Variants in HS3ST3A1 observed in about 807,000 individuals in gnomAD.
The protein encoded by HS3ST3A1 is heparan sulfate glucosamine 3-O-sulfotransferase 3A1.
A neutral mutation model predicts 25.7 loss-of-function variants in HS3ST3A1; 19 were observed. The ratio of observed to expected loss-of-function variants is 0.74; its 90% CI spans 0.52 to 1.08. The LOEUF (loss-of-function observed/expected upper bound fraction) is 1.08. Among genes scored for constraint, HS3ST3A1 ranks in the 50% least tolerant of loss-of-function variants. The pLI, the probability that HS3ST3A1 is intolerant of heterozygous loss-of-function variation, is 0.00. For synonymous variants in HS3ST3A1, 226 were observed against 278.6 expected (o/e 0.81, Z 1.88); for missense variants, 459 against 594.3 (o/e 0.77, Z 2.37).
intron 1 of HS3ST3A1, among the ~76,000 whole-genome samples, chr17:13,573,267 ACCT>A (rs1299464417): frequency 1.3e-5 from 2 of 151,352 alleles, no homozygotes; most frequent in Admixed American, 6.6e-5. Context: ...TTCTTCCAAG[ACCT>A]CCTCCTCCTT....
intron 1 of HS3ST3A1, among the ~76,000 whole-genome samples, chr17:13,545,686 T>C (rs1297492304): frequency 6.6e-6 from 1 of 152,196 alleles, no homozygotes; most frequent in Non-Finnish European, 1.5e-5. Context: ...CATCACTCAG[T>C]ACATCCAGCA....
At chr17:13,587,535 C>T (rs1908308131) in intron 1 of HS3ST3A1, among the ~76,000 whole-genome samples, 1 of 152,198 alleles carries the variant, frequency 6.6e-6, no homozygotes, top group Non-Finnish European at 1.5e-5. Flanking sequence ...CCTGCACAGA[C>T]AGATGAGTGA....
intron 1 of HS3ST3A1, among the ~76,000 whole-genome samples, chr17:13,507,154 G>A (rs548525902): frequency 2.0e-5 from 3 of 151,516 alleles, no homozygotes; most frequent in South Asian, 2.1e-4. Context: ...AAAAATAATA[G>A]ATCCAGGGCA....
chr17:13,597,473 G>C (rs569921883), intron 1 of HS3ST3A1, among the ~76,000 whole-genome samples: 14 of 152,206 alleles, frequency 9.2e-5, no homozygotes, highest in African/African-American at 3.1e-4. Flanking sequence ...CAAGAGAAAT[G>C]GACACTATTC....
chr17:13,521,893 C>T (rs1376017452), intron 1 of HS3ST3A1, among the ~76,000 whole-genome samples: 1 of 152,118 alleles, frequency 6.6e-6, no homozygotes. Flanking sequence ...GGGGGCTGTT[C>T]TATGCATTGT....
rs1187577176 is a variant in HS3ST3A1, at chr17:13,494,071, TA to T, written c.*2125del. Reference sequence around the variant, plus strand: ...TTCTGTTCTTTTATTTCTTTCACATTAAAAAAATGAAGGTTGCAGAATGCAA... The same window carrying T: ...TTCTGTTCTTTTATTTCTTTCACATTAAAAAATGAAGGTTGCAGAATGCAA... On this transcript the variant is annotated 3_prime_UTR_variant, in exon 2 of 2. Coordinates refer to ENST00000284110, the MANE Select transcript of HS3ST3A1 (RefSeq NM_006042.3). 2.0e-5 allele frequency among the ~76,000 whole-genome samples: 3 copies of T among 152,150 alleles called. No individual in the cohort carries two copies. Among genetic ancestry groups the T allele is most frequent in the Non-Finnish European group, 4.4e-5 (3 of 68,018 alleles).
At chr17:13,519,598 C>T (rs113233887) in intron 1 of HS3ST3A1, among the ~76,000 whole-genome samples, 1 of 152,110 alleles carries the variant, frequency 6.6e-6, no homozygotes, top group Non-Finnish European at 1.5e-5. Context: ...TTAACCCACA[C>T]TAAGAGCCAA....
chr17:13,521,836 C>T (rs568402612), intron 1 of HS3ST3A1, among the ~76,000 whole-genome samples: 19 of 152,290 alleles, frequency 1.2e-4, no homozygotes, highest in Non-Finnish European at 2.4e-4. Context: ...ATAGGAGTTT[C>T]TCAACCCCAA....
At chr17:13,511,643 T>C (rs1905863912) in intron 1 of HS3ST3A1, among the ~76,000 whole-genome samples, 1 of 151,368 alleles carries the variant, frequency 6.6e-6, no homozygotes, top group African/African-American at 2.4e-5. Flanking sequence ...CACTCTGACA[T>C]GTATAAATAT....
At chr17:13,573,318 T>C (rs1323635372) in intron 1 of HS3ST3A1, among the ~76,000 whole-genome samples, 1 of 152,104 alleles carries the variant, frequency 6.6e-6, no homozygotes, top group Non-Finnish European at 1.5e-5. Flanking sequence ...TGCTTTGTCT[T>C]CTCACTTCCA....
intron 1 of HS3ST3A1, among the ~76,000 whole-genome samples, chr17:13,561,624 C>T (rs1221364583): frequency 1.3e-5 from 2 of 152,098 alleles, no homozygotes; most frequent in Non-Finnish European, 2.9e-5. Context: ...GAACTCCTGA[C>T]CTCGTGATCC....
chr17:13,545,695 C>A (rs544939504), intron 1 of HS3ST3A1, among the ~76,000 whole-genome samples: 14 of 152,314 alleles, frequency 9.2e-5, no homozygotes, highest in South Asian at 2.1e-4. Flanking sequence ...GTACATCCAG[C>A]AAAATGCTAA....
intron 1 of HS3ST3A1, among the ~76,000 whole-genome samples, chr17:13,526,912 C>G (rs1906450209): frequency 6.6e-6 from 1 of 152,140 alleles, no homozygotes; most frequent in Non-Finnish European, 1.5e-5. Flanking sequence ...CTTGGCCTCT[C>G]AAAGTGCTGG....
rs371065470 is a variant in HS3ST3A1, at chr17:13,542,183, TG to T, written c.600-45366del. Among the ~76,000 whole-genome samples, 52 of 151,966 alleles carry T rather than the reference TG, an allele frequency of 3.4e-4. No individual in the cohort carries two copies. In the East Asian group the frequency reaches 9.5e-3, roughly 28 times the overall value. ...TCCCTATAAAAAATACAAAAATAGC[TG>T]GGCATGGTGGCGTGCACCTGCAGTC... On this transcript the variant is annotated intron_variant, in intron 1 of 1. Transcript: ENST00000284110.
intron 1 of HS3ST3A1, among the ~76,000 whole-genome samples, chr17:13,545,042 C>A (rs752471731): frequency 6.6e-6 from 1 of 152,100 alleles, no homozygotes; most frequent in Admixed American, 6.5e-5. Context: ...GAGGCTGATG[C>A]ATGTGTTGTT....
At chr17:13,502,793 A>T in intron 1 of HS3ST3A1, among the ~76,000 whole-genome samples, 1 of 152,238 alleles carries the variant, frequency 6.6e-6, no homozygotes, top group East Asian at 1.9e-4. Flanking sequence ...GTGGTGAAAC[A>T]ATCACCTTTT....
intron 1 of HS3ST3A1, among the ~76,000 whole-genome samples, chr17:13,532,562 C>G (rs893626481): frequency 6.6e-6 from 1 of 151,696 alleles, no homozygotes; most frequent in African/African-American, 2.4e-5. Flanking sequence ...GTCCAGGGCC[C>G]GAGGGGGGCC....
intron 1 of HS3ST3A1, among the ~76,000 whole-genome samples, chr17:13,517,511 A>C (rs950881510): frequency 6.6e-6 from 1 of 152,218 alleles, no homozygotes; most frequent in African/African-American, 2.4e-5. Context: ...GAAGTGCTTG[A>C]GTGAAGAAAA....
chr17:13,597,858 A>T (rs775796514), intron 1 of HS3ST3A1, among the ~76,000 whole-genome samples: 4 of 152,178 alleles, frequency 2.6e-5, no homozygotes, highest in Non-Finnish European at 5.9e-5. Flanking sequence ...TAACTGACAA[A>T]CTCATTCTCC....
Sources: gnomAD v4.1 joint callset for allele counts (sites outside exome capture counted in the v4.1 genomes callset) on GRCh38, gnomAD v4.1.1 for gene constraint, MANE v1.5 for transcripts, NCBI Gene and HGNC (gene_info 2026-07-23, HGNC 2026-07-21) for gene names.